Variants in PCYT1A observed in about 807,000 individuals in gnomAD.
PCYT1A encodes the protein phosphate cytidylyltransferase 1A, choline.
Under a neutral mutation model 43.7 loss-of-function variants are expected in PCYT1A, and 25 were observed. That is an observed-to-expected ratio of 0.57 (90% confidence interval 0.42 to 0.80). The LOEUF (loss-of-function observed/expected upper bound fraction) is 0.80, where lower values mean the gene tolerates loss of function less well. Ranked by LOEUF, PCYT1A falls within the 30% of genes least tolerant of loss-of-function variation. The pLI is 0.00. For synonymous variants in PCYT1A, 172 were observed against 170.7 expected, an observed-to-expected ratio of 1.01 and a Z score of -0.06; for missense variants, 421 against 474.2, an observed-to-expected ratio of 0.89 and a Z score of 1.04.
intron 1 of PCYT1A, among the ~76,000 whole-genome samples, chr3:196,280,572 T>TG (rs1218124161): frequency 1.5e-5 from 2 of 137,642 alleles, no homozygotes; most frequent in African/African-American, 6.0e-5. Context: ...TTTTTATTGT[T>TG]TTTTTTTTTT....
rs1014551444 is a variant in PCYT1A, at chr3:196,248,003, G to C, written c.334+204C>G. On this transcript the variant is annotated intron_variant, in intron 4 of 8. Transcript: ENST00000431016. The stretch of plus-strand genomic sequence containing the variant: ...ACTCAGCTACAAGCAGTGAATAAAT[G>C]CCAGATGGCACAGTCGAGGAGCTTG... The C allele has an allele frequency of 7.5e-5, 43 of 574,886 alleles. 1 individual carries two copies. Among genetic ancestry groups the C allele is most frequent in the African/African-American group, 7.1e-4 (38 of 53,840 alleles). The allele number at this position is 574,886 out of a possible 1,614,324, so 35.6% of individuals were successfully genotyped here. A position where few individuals can be genotyped will look rare whatever the true frequency, so the allele number is the denominator to read the frequency against.
intron 3 of PCYT1A, among the ~76,000 whole-genome samples, chr3:196,253,156 G>A (rs932031496): frequency 2.0e-5 from 3 of 151,994 alleles, no homozygotes; most frequent in African/African-American, 7.3e-5. Context: ...GGCCAACATG[G>A]TGAAACCCTG....
At position 196,247,496 on chromosome 3, in the gene PCYT1A, G is replaced by A. The variant is rs1353497665; in HGVS notation, c.357C>T (p.His119=). The stretch of plus-strand genomic sequence containing the variant: ...TCATCACCGTGAAGCCTTTGAAGTT[G>A]TGTGTGAGCTCATCACTGCAAACTG... ...IVGVCSDELT[H]NFKGFTVMNE... The change falls in exon 5 of 9, where the codon CAC becomes CAT. Residue 119 remains histidine (H), a synonymous_variant. Transcript: ENST00000431016. This position sits in a 1 kb window ranked among gnomAD's most constrained non-coding sequence, Gnocchi z 4.8. 6 of 1,614,148 alleles carry A rather than the reference G, an allele frequency of 3.7e-6. No homozygotes were observed. The highest frequency in any genetic ancestry group is 5.1e-6 in the Non-Finnish European group (6 of 1,179,984).
intron 2 of PCYT1A, among the ~76,000 whole-genome samples, chr3:196,269,407 A>C (rs1321822303): frequency 1.3e-5 from 2 of 152,228 alleles, no homozygotes; most frequent in Non-Finnish European, 2.9e-5. Context: ...TAGTCAATAT[A>C]GGTAAAGAAA....
chr3:196,280,849 G>A (rs1725749710), intron 1 of PCYT1A, among the ~76,000 whole-genome samples: 1 of 152,046 alleles, frequency 6.6e-6, no homozygotes, highest in Non-Finnish European at 1.5e-5. Flanking sequence ...CCTATTTTCT[G>A]ACCGTGGCTG....
At chr3:196,244,642 G>C (rs1037816787) in intron 5 of PCYT1A, among the ~76,000 whole-genome samples, 1 of 152,212 alleles carries the variant, frequency 6.6e-6, no homozygotes, top group Non-Finnish European at 1.5e-5. Flanking sequence ...CGGTTTTGTC[G>C]AATAGAAAAG....
chr3:196,258,592 AT>A (rs113525117), intron 2 of PCYT1A, among the ~76,000 whole-genome samples: 14,648 of 144,582 alleles, frequency 0.1, 742 homozygotes, highest in Middle Eastern at 0.16. Flanking sequence ...TCCAATCTGG[AT>A]TTTTTTTTTT....
At position 196,234,768 on chromosome 3, in the gene PCYT1A, A is replaced by G. The variant is rs1171540261; in HGVS notation, c.*3920T>C. The G allele has an allele frequency of 1.3e-5, 2 of 152,212 alleles. No homozygotes were observed. Among genetic ancestry groups the G allele is most frequent in the Non-Finnish European group, 2.9e-5 (2 of 68,046 alleles). 9.4% of individuals were successfully genotyped at this position (152,212 alleles called of 1,614,324 possible). A position where few individuals can be genotyped will look rare whatever the true frequency, so the allele number is the denominator to read the frequency against. ...GACAACAATCTTTCTTCTTCAAGAA[A>G]ATTAACATTTAATGGTATAATCCCA... On this transcript the variant is annotated 3_prime_UTR_variant, in exon 9 of 9. Transcript: ENST00000431016.
At chr3:196,246,274 C>T (rs1325497661) in intron 5 of PCYT1A, among the ~76,000 whole-genome samples, 1 of 152,234 alleles carries the variant, frequency 6.6e-6, no homozygotes, top group Admixed American at 6.5e-5. Context: ...AATTTACCTA[C>T]AACATTCCAC....
At chr3:196,278,799 G>A (rs1350681048) in intron 1 of PCYT1A, among the ~76,000 whole-genome samples, 1 of 151,948 alleles carries the variant, frequency 6.6e-6, no homozygotes, top group Non-Finnish European at 1.5e-5. Flanking sequence ...GGCCAACATG[G>A]CGAAACCCCA....
intron 2 of PCYT1A, among the ~76,000 whole-genome samples, chr3:196,260,484 AC>A (rs1432401777): frequency 6.6e-6 from 1 of 152,216 alleles, no homozygotes; most frequent in African/African-American, 2.4e-5. Flanking sequence ...ACATAGAATT[AC>A]CATATGACCC....
At position 196,241,937 on chromosome 3, in the gene PCYT1A, C is replaced by G; in HGVS notation, c.708+11G>C. The G allele has an allele frequency of 6.2e-7, 1 of 1,614,132 alleles. No homozygotes were observed. Among genetic ancestry groups the G allele is most frequent in the South Asian group, 1.1e-5 (1 of 91,086 alleles). On this transcript the variant is annotated intron_variant, in intron 7 of 8. Coordinates refer to ENST00000431016, the MANE Select transcript of PCYT1A (RefSeq NM_001312673.2). ...AGAGTCAGGGAACTCTGGGGTAAGG[C>G]TGGAACTCACGTTGATAAAGCTGAC...
chr3:196,263,939 G>A (rs1320791519), intron 2 of PCYT1A, among the ~76,000 whole-genome samples: 1 of 152,030 alleles, frequency 6.6e-6, no homozygotes, highest in African/African-American at 2.4e-5. Flanking sequence ...GCCAGGATCT[G>A]GTTTTAAAAA....
intron 3 of PCYT1A, among the ~76,000 whole-genome samples, chr3:196,256,566 G>T (rs1724957274): frequency 6.6e-6 from 1 of 152,088 alleles, no homozygotes; most frequent in Non-Finnish European, 1.5e-5. Flanking sequence ...TTGAGACAGG[G>T]TCTCGCTCTG....
rs111517721 is a variant in PCYT1A, at chr3:196,238,444, T to TGG, written c.*242_*243dup. Reference sequence around the variant, plus strand: ...AACATAAACAGTGAAACAAAGCCCTTGGGGGGGGGTAAATGGATGCAGAGC... The same window carrying TGG: ...AACATAAACAGTGAAACAAAGCCCTTGGGGGGGGGGGTAAATGGATGCAGAGC... On this transcript the variant is annotated 3_prime_UTR_variant, in exon 9 of 9. Coordinates refer to ENST00000431016, the MANE Select transcript of PCYT1A (RefSeq NM_001312673.2). The TGG allele has an allele frequency of 6.3e-3, 2,057 of 326,666 alleles. 14 individuals are homozygous for TGG. Among genetic ancestry groups the TGG allele is most frequent in the African/African-American group, 0.024 (1,130 of 46,508 alleles). The allele number at this position is 326,666 out of a possible 1,614,324, so 20.2% of individuals were successfully genotyped here.
At position 196,247,898 on chromosome 3, in the gene PCYT1A, T is replaced by C; in HGVS notation, c.334+309A>G. The C allele has an allele frequency of 2.1e-6, 1 of 483,732 alleles. No individual in the cohort carries two copies. The highest frequency in any genetic ancestry group is 3.8e-6 in the Non-Finnish European group (1 of 264,510). 30.0% of individuals were successfully genotyped at this position (483,732 alleles called of 1,614,324 possible). A position where few individuals can be genotyped will look rare whatever the true frequency, so the allele number is the denominator to read the frequency against. On this transcript the variant is annotated intron_variant, in intron 4 of 8. Transcript: ENST00000431016. The surrounding 1 kb of genome is among the most constrained non-coding windows in gnomAD (Gnocchi z 4.8). ...TGGCAGACTTTTGTACTCCAGTTAA[T>C]TCAAAATGATAAACTGAAATCTAAA...
chr3:196,262,188 A>C (rs371088865), intron 2 of PCYT1A, among the ~76,000 whole-genome samples: 1 of 152,196 alleles, frequency 6.6e-6, no homozygotes, highest in Non-Finnish European at 1.5e-5. Context: ...ACTATCTGGT[A>C]GTGAGGTATA....
chr3:196,239,602 T>C lies in PCYT1A; in HGVS notation c.842A>G (p.Lys281Arg). The C allele has an allele frequency of 1.2e-6, 2 of 1,613,316 alleles. No individual in the cohort carries two copies. The highest frequency in any genetic ancestry group is 1.7e-6 in the Non-Finnish European group (2 of 1,179,214). Residue 281 changes from lysine (K) to arginine (R), a missense_variant, in exon 8 of 9, where the codon AAG (lysine) becomes AGG (arginine). Transcript: ENST00000431016. ...AAAACTTCCAATGAATTCTCGGGACTTCTCCTCCCACTTCTGAATGAGGTC... is the reference window on the plus strand; with the variant it reads ...AAAACTTCCAATGAATTCTCGGGACCTCTCCTCCCACTTCTGAATGAGGTC... ...SIDLIQKWEE[K>R]SREFIGSFLE...
rs146337013 is a variant in PCYT1A, at chr3:196,238,774, C to T, written c.1018G>A (p.Gly340Ser). ...GGGGAGCAAGGTGGGGAAGTCTTGC[C>T]GGAGAAGGGCCATCGGAAAGAGGGG... is the stretch of plus-strand genomic sequence containing the variant. ...PSPSFRWPFS[G>S]KTSPPCSPAN... Residue 340 changes from glycine to serine, a missense_variant, in exon 9 of 9, where the codon GGC becomes AGC. By Grantham distance (56) the Gly-to-Ser change is moderately conservative. Transcript: ENST00000431016. 67 of 1,588,270 alleles carry T rather than the reference C, an allele frequency of 4.2e-5. No individual in the cohort carries two copies. Among genetic ancestry groups the T allele is most frequent in the African/African-American group, 4.1e-4 (30 of 73,180 alleles).
Sources: allele counts gnomAD v4.1 joint callset (sites outside exome capture counted in the v4.1 genomes callset), GRCh38; gene constraint gnomAD v4.1.1; non-coding constraint Gnocchi (gnomAD v3.1); transcripts MANE v1.5; gene names NCBI Gene and HGNC (gene_info 2026-07-23, HGNC 2026-07-21).